The following CSF1 variants were observed in gnomAD, a reference collection of about 807,000 sequenced individuals.
The protein encoded by CSF1 is macrophage colony-stimulating factor 1.
A neutral mutation model predicts 48.9 loss-of-function variants in CSF1; 9 were observed. The ratio of observed to expected loss-of-function variants is 0.18; its 90% CI spans 0.11 to 0.32. The LOEUF (loss-of-function observed/expected upper bound fraction) is 0.32, where lower values mean the gene tolerates loss of function less well. CSF1 is among the 10% of genes least tolerant of loss of function. CSF1 has a pLI of 1.00. For missense variants in CSF1, 672 were observed against 697.9 expected, an observed-to-expected ratio of 0.96 and a Z score of 0.42; for synonymous variants, 305 against 284.1, an observed-to-expected ratio of 1.07 and a Z score of -0.74.
At chr1:109,917,205 G>T (rs1425855678) in intron 3 of CSF1, 88 bp from the exon 4 acceptor site, 3 of 1,421,218 alleles carry the variant, frequency 2.1e-6, no homozygotes, top group Non-Finnish European at 2.9e-6. Context: ...GGAAGGGGGA[G>T]AGCAAGCTGC....
In CSF1 at chr1:109,925,197, T is replaced by A. The variant is rs1467600647; in HGVS notation, c.*8T>A. 1.2e-6 allele frequency: 2 copies of A among 1,613,632 alleles called. No individual in the cohort carries two copies. Among genetic ancestry groups the A allele is most frequent in the African/African-American group, 2.7e-5 (2 of 74,874 alleles). ...GTGGAACTGCCAGTGTAGAGGGAAT[T>A]CTAAGGTAAGATTCTGACTTTGATC... On this transcript the variant is annotated 3_prime_UTR_variant, in exon 8 of 9. Coordinates refer to ENST00000329608, the MANE Select transcript of CSF1 (RefSeq NM_000757.6).
intron 1 of CSF1, among the ~76,000 whole-genome samples, chr1:109,913,580 C>G (rs1200514202): frequency 6.6e-6 from 1 of 152,228 alleles, no homozygotes; most frequent in Non-Finnish European, 1.5e-5. Flanking sequence ...GGAGGCAAAG[C>G]CTGATGGTGC....
chr1:109,921,261 G>T (rs1353413917), intron 4 of CSF1, among the ~76,000 whole-genome samples: 2 of 152,166 alleles, frequency 1.3e-5, no homozygotes, highest in African/African-American at 4.8e-5. Flanking sequence ...TGCGTCTCTT[G>T]CCACGCTCCT....
rs150286133 is a variant in CSF1, at chr1:109,923,824, C to A, written c.1203C>A (p.Gly401=). 2 of 1,612,772 alleles carry A rather than the reference C, an allele frequency of 1.2e-6. No individual in the cohort carries two copies. The highest frequency in any genetic ancestry group is 1.7e-6 in the Non-Finnish European group (2 of 1,179,366). ...SALLRDPPEP[G]SPRISSLRPQ... ...TGCTCAGAGACCCCCCGGAGCCAGG[C>A]TCTCCCAGGATCTCATCACTGCGCC... The change falls in exon 6 of 9, where the codon GGC becomes GGA. Residue 401 remains glycine, a synonymous_variant. Coordinates refer to ENST00000329608, the MANE Select transcript of CSF1 (RefSeq NM_000757.6).
intron 8 of CSF1, among the ~76,000 whole-genome samples, chr1:109,925,903 GGC>G (rs1647825610): frequency 6.6e-6 from 1 of 152,124 alleles, no homozygotes; most frequent in Non-Finnish European, 1.5e-5. Flanking sequence ...CCTCATGCGA[GGC>G]AAAACTGGCT....
Position 109,913,407 on chromosome 1 carries a change from G to A in CSF1, c.40-852G>A, listed in dbSNP as rs566942239. Among the ~76,000 whole-genome samples the A allele has an allele frequency of 5.3e-5, 8 of 152,298 alleles. No homozygotes were observed. In the South Asian group the frequency reaches 1.7e-3, roughly 32 times the overall value. On this transcript the variant is annotated intron_variant, in intron 1 of 8. Transcript: ENST00000329608. ...GACCTAGGGCCAGGGGTAGGGATGA[G>A]GAGACCCCAGTGAAGAGAAGGAAGA...
intron 4 of CSF1, 22 bp from the exon 5 acceptor site, chr1:109,921,825 G>A (rs752598125): frequency 6.5e-7 from 1 of 1,539,906 alleles, no homozygotes; most frequent in African/African-American, 1.4e-5. Flanking sequence ...GCTCACAAAA[G>A]GGGGCCCTGA....
At position 109,929,255 on chromosome 1, in the gene CSF1, C is replaced by G. The variant is rs1054086377; in HGVS notation, c.*417C>G. 6.5e-6 allele frequency: 1 copy of G among 152,728 alleles called. No individual in the cohort carries two copies. Among genetic ancestry groups the G allele is most frequent in the African/African-American group, 2.4e-5 (1 of 41,438 alleles). The allele number at this position is 152,728 out of a possible 1,614,324, so 9.5% of individuals were successfully genotyped here. On this transcript the variant is annotated 3_prime_UTR_variant, in exon 9 of 9. Coordinates refer to ENST00000329608, the MANE Select transcript of CSF1 (RefSeq NM_000757.6). ...GCTGAGGAGTGAAAGAACCCTGCAC[C>G]CAGAGGGCCTGCCTGGTGCCAAGGT...
intron 4 of CSF1, among the ~76,000 whole-genome samples, chr1:109,920,224 G>A (rs978298860): frequency 9.2e-5 from 14 of 151,814 alleles, no homozygotes; most frequent in Middle Eastern, 3.4e-3. Flanking sequence ...CCAGATAGAC[G>A]TACGAATGAG....
At chr1:109,914,196 C>A in intron 1 of CSF1, 63 bp from the exon 2 acceptor site, 1 of 1,499,890 alleles carries the variant, frequency 6.7e-7, no homozygotes, top group Non-Finnish European at 8.9e-7. Flanking sequence ...CTGCGTTGAG[C>A]AGGGCATGGG....
intron 3 of CSF1, 38 bp from the exon 4 acceptor site, chr1:109,917,255 A>T: frequency 1.3e-6 from 2 of 1,598,956 alleles, no homozygotes; most frequent in Non-Finnish European, 1.7e-6. Flanking sequence ...CCCAGGCCAC[A>T]ATGGCCAGGC....
Position 109,921,853 on chromosome 1 carries a change from G to A in CSF1, c.403G>A (p.Val135Ile), listed in dbSNP as rs377085953. 15 of 1,587,218 alleles carry A rather than the reference G, an allele frequency of 9.5e-6. 1 individual carries two copies. The highest frequency in any genetic ancestry group is 5.7e-5 in the South Asian group (5 of 88,092). Residue 135 changes from valine to isoleucine, a missense_variant, in exon 5 of 9, where the codon GTC (valine) becomes ATC (isoleucine). By Grantham distance (29) the Val-to-Ile change is conservative. Transcript: ENST00000329608. ...KDYEEHDKACVRTFYETPLQL... is the reference protein window; with the variant it reads ...KDYEEHDKACIRTFYETPLQL... ...GGCCCTGATCTCCTTCCAGGCCTGC[G>A]TCCGAACTTTCTATGAGACACCTCT...
Position 109,910,999 on chromosome 1 carries a change from G to A in CSF1, c.-25G>A, listed in dbSNP as rs980757302. On this transcript the variant is annotated 5_prime_UTR_variant, in exon 1 of 9. Transcript: ENST00000329608. ...GCGAGCGAGCGAGGGCGGCCGACGC[G>A]CCCGGCCGGGACCCAGCTGCCCGTA... 6.3e-5 allele frequency: 74 copies of A among 1,165,354 alleles called. No homozygotes were observed. Among genetic ancestry groups the A allele is most frequent in the Non-Finnish European group, 7.4e-5 (70 of 947,258 alleles). The allele number at this position is 1,165,354 out of a possible 1,614,324, so 72.2% of individuals were successfully genotyped here. A position where few individuals can be genotyped will look rare whatever the true frequency, so the allele number is the denominator to read the frequency against.
At chr1:109,911,091 G>T in intron 1 of CSF1, 29 bp downstream of exon 1, 1 of 1,034,010 alleles carries the variant, frequency 9.7e-7, no homozygotes, top group Non-Finnish European at 1.2e-6. Context: ...GCTGGGCCCG[G>T]GACGGGCTGG....
At chr1:109,911,267 G>C (rs958302628) in intron 1 of CSF1, among the ~76,000 whole-genome samples, 1 of 152,124 alleles carries the variant, frequency 6.6e-6, no homozygotes, top group Non-Finnish European at 1.5e-5. Flanking sequence ...CAGCTGCACC[G>C]GGACTGCCAG....
chr1:109,922,218 T>C, intron 5 of CSF1: 1 of 405,456 alleles, frequency 2.5e-6, no homozygotes, highest in Middle Eastern at 6.2e-4. Context: ...CACCTACATA[T>C]GTCTGCATGT....
chr1:109,921,769 C>A, intron 4 of CSF1, 78 bp from the exon 5 acceptor site: 1 of 1,453,034 alleles, frequency 6.9e-7, no homozygotes, highest in Non-Finnish European at 9.1e-7. Flanking sequence ...TGAGAAAGGC[C>A]AAGGGAATTT....
chr1:109,919,927 AAAATAAATAAATAAAT>A (rs35887432), intron 4 of CSF1, among the ~76,000 whole-genome samples: 8,722 of 146,338 alleles, frequency 0.06, 493 homozygotes, highest in East Asian at 0.14. Context: ...ACTCCATCTC[AAAATAAATAAATAAAT>A]AAATAAATAA....
chr1:109,919,428 A>C (rs1254923070), intron 4 of CSF1, among the ~76,000 whole-genome samples: 2 of 152,090 alleles, frequency 1.3e-5, no homozygotes, highest in Non-Finnish European at 2.9e-5. Flanking sequence ...AGGGTTTCGC[A>C]ATGTTGCCCA....
Sources: allele counts gnomAD v4.1 joint callset (sites outside exome capture counted in the v4.1 genomes callset), GRCh38; gene constraint gnomAD v4.1.1; transcripts MANE v1.5; gene names NCBI Gene and HGNC (gene_info 2026-07-23, HGNC 2026-07-21).